CCDC148: variants seen among roughly 807,000 people sequenced by gnomAD.
CCDC148 encodes the protein coiled-coil domain containing 148.
In CCDC148, 89 loss-of-function variants were observed where a neutral mutation model predicts 85.7. That is an observed-to-expected ratio of 1.04 (90% CI 0.87 to 1.24). CCDC148 has a LOEUF of 1.24. CCDC148 is among the 50% of genes most tolerant of loss of function. CCDC148 has a pLI of 0.00. For synonymous variants in CCDC148, 230 were observed against 213.9 expected (o/e 1.08, Z -0.66); for missense variants, 692 against 671.7 (o/e 1.03, Z -0.33).
chr2:158,172,163 G>A lies in CCDC148; in HGVS notation c.1726C>T (p.Pro576Ser), dbSNP rs760340825. 1.8e-5 allele frequency: 29 copies of A among 1,609,726 alleles called. No homozygotes were observed. The South Asian group carries it at 2.9e-4, about 16-fold the overall frequency. ...YAKEILPKIS[P>S]QKPPRKDMES... Reference sequence around the variant, plus strand: ...ATGTCCTTTCTTGGAGGTTTTTGAGGACTAATTTTTGGTAATATCTCTTTA... The same window carrying A: ...ATGTCCTTTCTTGGAGGTTTTTGAGAACTAATTTTTGGTAATATCTCTTTA... The change falls in exon 14 of 14, where the codon CCT becomes TCT. Residue 576 changes from proline (P) to serine (S), a missense_variant. By Grantham distance (74) the Pro-to-Ser change is moderately conservative. Transcript: ENST00000283233.
rs1233506926 is a variant in CCDC148 at position 158,226,815 on chromosome 2, A to C, written c.1252-6102T>G. On this transcript the variant is annotated intron_variant, in intron 10 of 13. Coordinates refer to ENST00000283233, the MANE Select transcript of CCDC148 (RefSeq NM_138803.4). ...TTGATGGGATGTATCTCAAAATAAT[A>C]AGAGCTATCTATGACAAACCCACAG... 2.0e-5 allele frequency among the ~76,000 whole-genome samples: 3 copies of C among 152,254 alleles called. No individual in the cohort carries two copies. The East Asian group carries it at 5.8e-4, about 29-fold the overall frequency.
At chr2:158,405,254 A>G (rs1685949339) in intron 1 of CCDC148, among the ~76,000 whole-genome samples, 1 of 152,160 alleles carries the variant, frequency 6.6e-6, no homozygotes, top group Non-Finnish European at 1.5e-5. Context: ...CAAGTATTAC[A>G]TATTGAAAAC....
At chr2:158,398,527 A>G (rs1685630749) in intron 1 of CCDC148, among the ~76,000 whole-genome samples, 1 of 152,186 alleles carries the variant, frequency 6.6e-6, no homozygotes, top group South Asian at 2.1e-4. Flanking sequence ...CTGAATGACT[A>G]CTGGGTAAAT....
Position 158,313,907 on chromosome 2 carries a change from A to G in CCDC148, c.765-13T>C. On this transcript the variant is annotated splice_polypyrimidine_tract_variant and intron_variant, in intron 7 of 13. Transcript: ENST00000283233. ...TAGTTGACAGTTTCTAGAAGCAACA[A>G]AAATGTCACAACATATTATTGAGCA... The G allele has an allele frequency of 1.9e-6, 3 of 1,609,172 alleles. No individual in the cohort carries two copies. The highest frequency in any genetic ancestry group is 2.5e-6 in the Non-Finnish European group (3 of 1,177,540).
chr2:158,190,413 C>T (rs1200614733), intron 11 of CCDC148, among the ~76,000 whole-genome samples: 1 of 151,924 alleles, frequency 6.6e-6, no homozygotes, highest in African/African-American at 2.4e-5. Context: ...GTATAACAAT[C>T]ATATTTCTGC....
At chr2:158,216,706 G>A (rs1686883073) in intron 11 of CCDC148, among the ~76,000 whole-genome samples, 1 of 152,142 alleles carries the variant, frequency 6.6e-6, no homozygotes, top group Non-Finnish European at 1.5e-5. Flanking sequence ...AGATCAATGT[G>A]CCAGCATGGT....
chr2:158,413,586 A>G (rs1009166017), intron 1 of CCDC148, among the ~76,000 whole-genome samples: 13 of 136,544 alleles, frequency 9.5e-5, no homozygotes, highest in African/African-American at 3.1e-4. Flanking sequence ...TTGCTCTAGA[A>G]CATTTTTTTC....
intron 2 of CCDC148, among the ~76,000 whole-genome samples, chr2:158,355,926 C>T (rs1380937114): frequency 7.5e-6 from 1 of 133,128 alleles, no homozygotes; most frequent in Admixed American, 7.2e-5. Flanking sequence ...AATAACGCCG[C>T]ATATCTACAA....
chr2:158,231,411 C>G (rs910475059), intron 10 of CCDC148, among the ~76,000 whole-genome samples: 18 of 152,154 alleles, frequency 1.2e-4, no homozygotes, highest in Non-Finnish European at 1.8e-4. Flanking sequence ...TATGACCCTC[C>G]TTTCTTTGAC....
At chr2:158,332,105 T>C (rs963567147) in intron 7 of CCDC148, among the ~76,000 whole-genome samples, 8 of 152,232 alleles carry the variant, frequency 5.3e-5, no homozygotes, top group Admixed American at 1.3e-4. Context: ...CTAGCCTTGA[T>C]GGTCTTTACA....
chr2:158,345,451 C>A (rs1438305658), intron 2 of CCDC148, 133 bp from the exon 3 acceptor site: 6 of 542,042 alleles, frequency 1.1e-5, no homozygotes, highest in Non-Finnish European at 1.6e-5. Context: ...CATCTCCTAA[C>A]ACAAAATCTA....
At chr2:158,197,132 A>T (rs1558973706) in intron 11 of CCDC148, among the ~76,000 whole-genome samples, 1 of 152,210 alleles carries the variant, frequency 6.6e-6, no homozygotes, top group Non-Finnish European at 1.5e-5. Flanking sequence ...TGGGAATTTT[A>T]TACAGAGAAG....
intron 11 of CCDC148, among the ~76,000 whole-genome samples, chr2:158,200,693 T>C (rs1442944709): frequency 6.6e-6 from 1 of 152,214 alleles, no homozygotes; most frequent in Non-Finnish European, 1.5e-5. Flanking sequence ...TGCCTCAGTA[T>C]TAGTGATGCT....
At chr2:158,273,312 A>G (rs1689780669) in intron 9 of CCDC148, among the ~76,000 whole-genome samples, 1 of 152,212 alleles carries the variant, frequency 6.6e-6, no homozygotes, top group Non-Finnish European at 1.5e-5. Flanking sequence ...AGTAAACATA[A>G]TAACAATATA....
At chr2:158,272,049 A>T (rs1363633007) in intron 9 of CCDC148, among the ~76,000 whole-genome samples, 3 of 152,144 alleles carry the variant, frequency 2.0e-5, no homozygotes, top group Non-Finnish European at 4.4e-5. Flanking sequence ...CCACTTCTCC[A>T]ATCCAAGTTC....
At chr2:158,396,568 G>C (rs1685531493) in intron 1 of CCDC148, among the ~76,000 whole-genome samples, 1 of 152,072 alleles carries the variant, frequency 6.6e-6, no homozygotes, top group African/African-American at 2.4e-5. Context: ...CTCAGGTTCT[G>C]AAATTAAACC....
intron 8 of CCDC148, among the ~76,000 whole-genome samples, chr2:158,310,044 T>C (rs1012835626): frequency 3.9e-5 from 6 of 152,222 alleles, no homozygotes; most frequent in Non-Finnish European, 8.8e-5. Context: ...CAAAGGTCTC[T>C]GGTTTTCCTA....
intron 1 of CCDC148, among the ~76,000 whole-genome samples, chr2:158,387,571 C>T (rs1274022824): frequency 6.6e-6 from 1 of 152,144 alleles, no homozygotes; most frequent in Non-Finnish European, 1.5e-5. Flanking sequence ...CCTGCCTTCA[C>T]TCACATGAGC....
intron 11 of CCDC148, among the ~76,000 whole-genome samples, chr2:158,220,190 A>T (rs183864902): frequency 1.3e-5 from 2 of 152,298 alleles, no homozygotes; most frequent in East Asian, 3.9e-4. Flanking sequence ...AATAAACACC[A>T]CACAGCACTG....
Sources: allele counts gnomAD v4.1 joint callset (sites outside exome capture counted in the v4.1 genomes callset), GRCh38; gene constraint gnomAD v4.1.1; transcripts MANE v1.5; gene names NCBI Gene and HGNC (gene_info 2026-07-23, HGNC 2026-07-21).